COL24A1: variants seen among roughly 807,000 people sequenced by gnomAD.
The protein encoded by COL24A1 is collagen type XXIV alpha 1 chain.
In COL24A1, 224 loss-of-function variants were observed where a neutral mutation model predicts 253.9. The observed-to-expected ratio is 0.88, with a 90% CI of 0.79 to 0.99. The LOEUF is 0.99. Ranked by LOEUF, COL24A1 falls within the 50% of genes least tolerant of loss-of-function variation. COL24A1 has a pLI of 0.00. For synonymous variants in COL24A1, 685 were observed against 673.7 expected (o/e 1.02, Z -0.26); for missense variants, 2,131 against 2,068.5 (o/e 1.03, Z -0.59).
intron 19 of COL24A1, among the ~76,000 whole-genome samples, chr1:86,002,298 G>A (rs189102560): frequency 3.9e-5 from 6 of 152,292 alleles, no homozygotes; most frequent in African/African-American, 9.6e-5. Flanking sequence ...TTCACCAGGC[G>A]CACCCCTGCG....
chr1:86,071,925 C>T (rs1300859048), intron 7 of COL24A1, among the ~76,000 whole-genome samples: 1 of 152,120 alleles, frequency 6.6e-6, no homozygotes, highest in Non-Finnish European at 1.5e-5. Context: ...ACTCCCTCCC[C>T]TAGCCAAGGG....
chr1:85,911,272 T>A (rs1685335721), intron 25 of COL24A1, 108 bp downstream of exon 25: 1 of 852,406 alleles, frequency 1.2e-6, no homozygotes, highest in South Asian at 1.6e-5. Flanking sequence ...GGTAATGTGC[T>A]AAAGTTATAA....
At chr1:85,811,796 A>G (rs1190009110) in intron 47 of COL24A1, among the ~76,000 whole-genome samples, 1 of 152,164 alleles carries the variant, frequency 6.6e-6, no homozygotes, top group Non-Finnish European at 1.5e-5. Flanking sequence ...CCAGGTTGCC[A>G]GTTTTGAGTG....
At chr1:86,001,505 C>A (rs1695404825) in intron 19 of COL24A1, among the ~76,000 whole-genome samples, 1 of 152,176 alleles carries the variant, frequency 6.6e-6, no homozygotes, top group Non-Finnish European at 1.5e-5. Context: ...CACTAAATGA[C>A]ACCCTAAATT....
intron 20 of COL24A1, among the ~76,000 whole-genome samples, chr1:85,972,625 T>G (rs563262218): frequency 2.9e-4 from 44 of 151,610 alleles, no homozygotes; most frequent in Non-Finnish European, 3.0e-5. Context: ...AAGGAAAAAC[T>G]CTCTTCACTT....
intron 7 of COL24A1, among the ~76,000 whole-genome samples, chr1:86,077,277 A>C (rs1702318669): frequency 6.6e-6 from 1 of 152,294 alleles, no homozygotes; most frequent in East Asian, 1.9e-4. Context: ...GCAAATCAAA[A>C]CCACAATGAG....
At chr1:85,911,579 T>A in intron 24 of COL24A1, 146 bp from the exon 25 acceptor site, 1 of 710,738 alleles carries the variant, frequency 1.4e-6, no homozygotes, top group Non-Finnish European at 2.5e-6. Flanking sequence ...TGTATAGCTA[T>A]GCAGTCTGTG....
chr1:86,099,854 C>T (rs912661273), intron 5 of COL24A1, among the ~76,000 whole-genome samples: 1 of 152,118 alleles, frequency 6.6e-6, no homozygotes, highest in African/African-American at 2.4e-5. Flanking sequence ...TAGAATATTA[C>T]TGGATGATGT....
intron 1 of COL24A1, 105 bp downstream of exon 1, chr1:86,156,236 G>T: frequency 9.0e-7 from 1 of 1,107,206 alleles, no homozygotes; most frequent in Non-Finnish European, 1.3e-6. Context: ...AAGCCAAAAA[G>T]TGCCAAGGAG....
intron 2 of COL24A1, among the ~76,000 whole-genome samples, chr1:86,130,742 A>G (rs1254054824): frequency 1.3e-5 from 2 of 152,008 alleles, no homozygotes; most frequent in African/African-American, 4.8e-5. Flanking sequence ...AGATAAGGCA[A>G]TCAGCAAAGT....
chr1:85,976,040 C>G (rs935837842), intron 20 of COL24A1, among the ~76,000 whole-genome samples: 1 of 152,192 alleles, frequency 6.6e-6, no homozygotes, highest in African/African-American at 2.4e-5. Flanking sequence ...CCGGCAGAAT[C>G]TGGGAGGGGT....
At chr1:85,775,385 G>T (rs1668433689) in intron 53 of COL24A1, among the ~76,000 whole-genome samples, 1 of 152,104 alleles carries the variant, frequency 6.6e-6, no homozygotes, top group Non-Finnish European at 1.5e-5. Flanking sequence ...TGTCTATTAG[G>T]TCCGCTTGGT....
At chr1:86,133,797 T>G (rs1649730289) in intron 2 of COL24A1, among the ~76,000 whole-genome samples, 1 of 103,538 alleles carries the variant, frequency 9.7e-6, no homozygotes, top group African/African-American at 3.4e-5. Context: ...TCAGGGATAT[T>G]GGTCTAAAAT....
intron 2 of COL24A1, among the ~76,000 whole-genome samples, chr1:86,133,512 G>C (rs1372057425): frequency 6.6e-6 from 1 of 152,152 alleles, no homozygotes; most frequent in African/African-American, 2.4e-5. Context: ...TTATTATTTT[G>C]AGAAACGTCC....
At chr1:85,801,248 A>G (rs759793373) in intron 47 of COL24A1, among the ~76,000 whole-genome samples, 46 of 151,892 alleles carry the variant, frequency 3.0e-4, no homozygotes, top group South Asian at 1.9e-3. Flanking sequence ...GTTTTCTTTC[A>G]TTTGCTCCCC....
intron 47 of COL24A1, among the ~76,000 whole-genome samples, chr1:85,801,533 T>A (rs925444217): frequency 6.6e-6 from 1 of 152,252 alleles, no homozygotes; most frequent in East Asian, 1.9e-4. Flanking sequence ...CTCAACTTGA[T>A]TCTAGTAACA....
intron 5 of COL24A1, among the ~76,000 whole-genome samples, chr1:86,107,025 G>A (rs895093003): frequency 6.6e-6 from 1 of 152,104 alleles, no homozygotes; most frequent in Non-Finnish European, 1.5e-5. Context: ...GGATAACCTG[G>A]AACCTTGGAA....
At chr1:86,025,073 C>T (rs960220498) in intron 14 of COL24A1, among the ~76,000 whole-genome samples, 2 of 152,024 alleles carry the variant, frequency 1.3e-5, no homozygotes, top group Admixed American at 1.3e-4. Context: ...AAATTGAATA[C>T]TATGGAATTG....
At chr1:85,896,246 A>G in intron 29 of COL24A1, 110 bp downstream of exon 29, 3 of 1,247,710 alleles carry the variant, frequency 2.4e-6, no homozygotes, top group Non-Finnish European at 3.4e-6. Flanking sequence ...AGACAAAGAG[A>G]AAACTTAGAA....
Sources: gnomAD v4.1 joint callset for allele counts (sites outside exome capture counted in the v4.1 genomes callset) on GRCh38, gnomAD v4.1.1 for gene constraint, MANE v1.5 for transcripts, NCBI Gene and HGNC (gene_info 2026-07-23, HGNC 2026-07-21) for gene names.